HJURP: variants seen among roughly 807,000 people sequenced by gnomAD.
HJURP encodes Holliday junction recognition protein, also known as 14-3-3-associated AKT substrate.
In HJURP, 49 loss-of-function variants were observed where a neutral mutation model predicts 72.0. That is an observed-to-expected ratio of 0.68 (90% confidence interval 0.54 to 0.86). The LOEUF (loss-of-function observed/expected upper bound fraction) is 0.86. HJURP is among the 40% of genes least tolerant of loss of function. The pLI is 0.00. For missense variants in HJURP, 908 were observed against 936.3 expected, an observed-to-expected ratio of 0.97 and a Z score of 0.39; for synonymous variants, 357 against 347.1, an observed-to-expected ratio of 1.03 and a Z score of -0.32.
intron 8 of HJURP, among the ~76,000 whole-genome samples, chr2:233,837,914 C>T (rs1705118115): frequency 6.6e-6 from 1 of 152,248 alleles, no homozygotes; most frequent in South Asian, 2.1e-4. Context: ...GCCCAGCTAG[C>T]GCTGCTGCAC....
At chr2:233,839,313 C>T (rs182856795) in intron 8 of HJURP, among the ~76,000 whole-genome samples, 189 of 151,784 alleles carry the variant, frequency 1.2e-3, no homozygotes, top group African/African-American at 3.8e-3. Flanking sequence ...GTTACCTGCA[C>T]GGAGCAGGCA....
rs1202791853 is a variant in HJURP, at chr2:233,854,502, G to T, written c.-2C>A. On this transcript the variant is annotated 5_prime_UTR_variant, in exon 1 of 9. Transcript: ENST00000411486. ...CATGGCGCGCAGCGTACCCAGCATCGGACCCAGCCAGTACCCAAGCGCCAA... is the reference window on the plus strand; with the variant it reads ...CATGGCGCGCAGCGTACCCAGCATCTGACCCAGCCAGTACCCAAGCGCCAA... 1.2e-6 allele frequency: 2 copies of T among 1,607,594 alleles called. No individual in the cohort carries two copies. Among genetic ancestry groups the T allele is most frequent in the South Asian group, 1.1e-5 (1 of 90,578 alleles).
At chr2:233,840,180 C>A (rs1705185433) in intron 8 of HJURP, among the ~76,000 whole-genome samples, 1 of 152,242 alleles carries the variant, frequency 6.6e-6, no homozygotes, top group African/African-American at 2.4e-5. Context: ...GCCACTCTTG[C>A]TCTTTCCCTA....
intron 4 of HJURP, 58 bp downstream of exon 4, chr2:233,849,705 C>A (rs1286024833): frequency 9.3e-7 from 1 of 1,072,258 alleles, no homozygotes; most frequent in East Asian, 2.6e-5. Context: ...GCTGTTGTAA[C>A]AGGTGCGTCA....
chr2:233,840,381 C>G lies in HJURP; in HGVS notation c.2171+228G>C, dbSNP rs1224522569. The stretch of plus-strand genomic sequence containing the variant: ...GGAAAGTGTGAAACTTCTGCAAGAG[C>G]ACTTTCTGCTTTACCTCGATGCATC... On this transcript the variant is annotated intron_variant, in intron 8 of 8. Transcript: ENST00000411486. Among the ~76,000 whole-genome samples the G allele has an allele frequency of 5.3e-5, 8 of 152,220 alleles. No homozygotes were observed. The South Asian group carries it at 1.2e-3, about 24-fold the overall frequency.
intron 3 of HJURP, among the ~76,000 whole-genome samples, chr2:233,851,557 A>G (rs1306968566): frequency 6.6e-6 from 1 of 152,174 alleles, no homozygotes; most frequent in African/African-American, 2.4e-5. Flanking sequence ...ACAGGAGAGC[A>G]GTTAAAAAAA....
intron 2 of HJURP, among the ~76,000 whole-genome samples, chr2:233,853,608 G>T (rs1265018037): frequency 6.6e-6 from 1 of 152,204 alleles, no homozygotes; most frequent in African/African-American, 2.4e-5. Context: ...TGGGGAGGTG[G>T]CCAGCGGGGA....
Position 233,853,868 on chromosome 2 carries a change from T to G in HJURP, c.160A>C (p.Thr54Pro), listed in dbSNP as rs1456340563. 1 of 1,614,050 alleles carries G rather than the reference T, an allele frequency of 6.2e-7. No homozygotes were observed. Among genetic ancestry groups the G allele is most frequent in the Non-Finnish European group, 8.5e-7 (1 of 1,179,930 alleles). Residue 54 changes from threonine (T) to proline (P), a missense_variant, in exon 2 of 9, where the codon ACG becomes CCG. Physicochemically the swap from Thr to Pro is conservative, Grantham distance 38 (BLOSUM62 -1). Around this residue, in one of 3 missense-constraint regions of HJURP, gnomAD observed 299 missense variants for 286.7 expected, o/e 1.04. Transcript: ENST00000411486. ...CCCTGTGGCGTCTCGTAGGTCAGCGTGGCCATTTGCACCACCGGGGTGTCC... is the reference window on the plus strand; with the variant it reads ...CCCTGTGGCGTCTCGTAGGTCAGCGGGGCCATTTGCACCACCGGGGTGTCC... ...FEDTPVVQMA[T>P]LTYETPQGLR...
Position 233,840,742 on chromosome 2 carries a change from C to T in HJURP, c.2038G>A (p.Ala680Thr), listed in dbSNP as rs1467290103. ...GGTTCTGATAGCCTGGGTCTTTTTG[C>T]AGGGAACTGATGGTCCCTCGTGCCA... is the stretch of plus-strand genomic sequence containing the variant. ...RDGTRDHQFP[A>T]KRPRLSEPQG... Residue 680 changes from alanine (A) to threonine (T), a missense_variant, in exon 8 of 9, where the codon GCA becomes ACA. Ala to Thr is a moderately conservative substitution (Grantham distance 58, BLOSUM62 0). This residue lies in a region of HJURP where 598 missense variants were observed against 619.5 expected (regional missense o/e 0.97). Coordinates refer to ENST00000411486, the MANE Select transcript of HJURP (RefSeq NM_018410.5). 28 of 1,613,976 alleles carry T rather than the reference C, an allele frequency of 1.7e-5. No homozygotes were observed. Among genetic ancestry groups the T allele is most frequent in the Non-Finnish European group, 2.3e-5 (27 of 1,180,012 alleles).
At chr2:233,845,127 C>T (rs935010519) in intron 6 of HJURP, among the ~76,000 whole-genome samples, 7 of 152,046 alleles carry the variant, frequency 4.6e-5, no homozygotes, top group African/African-American at 1.7e-4. Context: ...CAGGGCTGCT[C>T]TTAAGAGTCC....
intron 1 of HJURP, 33 bp downstream of exon 1, chr2:233,854,351 C>T: frequency 6.7e-7 from 1 of 1,494,558 alleles, no homozygotes. Flanking sequence ...GACACGCAGG[C>T]CTCCCCTCCC....
rs1252167744 is a variant in HJURP, at chr2:233,844,210, G to T, written c.569C>A (p.Ala190Asp). 1.2e-5 allele frequency: 19 copies of T among 1,613,668 alleles called. No homozygotes were observed. Among genetic ancestry groups the T allele is most frequent in the Non-Finnish European group, 1.6e-5 (19 of 1,179,658 alleles). The change falls in exon 7 of 9, where the codon GCC becomes GAC. Residue 190 changes from alanine (A) to aspartate (D), a missense_variant. Transcript: ENST00000411486. ...AGTTTCTATGTCACACTCACCGGGG[G>T]CAGGCACGGCAGGTGAGGCCAGTGA... ...LPSLASPAVP[A>D]PGYCSRISRK...
rs368419653 is a variant in HJURP, at chr2:233,840,889, G to C, written c.1891C>G (p.Pro631Ala). Residue 631 changes from proline (P) to alanine (A), a missense_variant, in exon 8 of 9, where the codon CCT becomes GCT. This residue lies in a region of HJURP where 598 missense variants were observed against 619.5 expected (regional missense o/e 0.97). Coordinates refer to ENST00000411486, the MANE Select transcript of HJURP (RefSeq NM_018410.5). ...AACTTCTGGAAACCCTGGAAGTGAG[G>C]GTCTGGATTTAATTTTCCTAAGAAG... ...EGFLGKLNPD[P>A]HFQGFQKLPS... The C allele has an allele frequency of 3.6e-5, 58 of 1,614,074 alleles. No individual in the cohort carries two copies. The African/African-American group carries it at 6.8e-4, about 19-fold the overall frequency.
intron 8 of HJURP, among the ~76,000 whole-genome samples, chr2:233,839,477 T>C (rs374209889): frequency 6.6e-6 from 1 of 152,144 alleles, no homozygotes; most frequent in East Asian, 1.9e-4. Context: ...TCCAAGGGCA[T>C]TGGGAAGACA....
chr2:233,841,028 A>C lies in HJURP; in HGVS notation c.1752T>G (p.Phe584Leu). The C allele has an allele frequency of 6.2e-7, 1 of 1,614,234 alleles. No homozygotes were observed. The highest frequency in any genetic ancestry group is 1.1e-5 in the South Asian group (1 of 91,088). Residue 584 changes from phenylalanine to leucine, a missense_variant, in exon 8 of 9, where the codon TTT becomes TTG. Physicochemically the swap from Phe to Leu is conservative, Grantham distance 22 (BLOSUM62 0). Transcript: ENST00000411486. ...RNRYDEIKEE[F>L]DKLHQKYCLK... ...GGCAATACTTTTGATGAAGCTTGTC[A>C]AATTCTTCTTTAATTTCATCGTAAC... is the stretch of plus-strand genomic sequence containing the variant.
chr2:233,853,707 A>T (rs1705549238), intron 2 of HJURP, 137 bp downstream of exon 2: 4 of 613,340 alleles, frequency 6.5e-6, no homozygotes, highest in Non-Finnish European at 1.1e-5. Context: ...AGTAATTTAC[A>T]GGTTTAAGGG....
rs187562497 is a variant in HJURP at position 233,851,655 on chromosome 2, G to A, written c.240+910C>T. On this transcript the variant is annotated intron_variant, in intron 3 of 8. Transcript: ENST00000411486. Reference sequence around the variant, plus strand: ...TGCCAGATGTATTAACCGGAAAAGTGAGGGAGAAAAAAATGCATTTATAAA... The same window carrying A: ...TGCCAGATGTATTAACCGGAAAAGTAAGGGAGAAAAAAATGCATTTATAAA... 2.6e-5 allele frequency among the ~76,000 whole-genome samples: 4 copies of A among 152,240 alleles called. No individual in the cohort carries two copies. In the East Asian group the frequency reaches 7.7e-4, roughly 29 times the overall value.
chr2:233,844,403 T>A (rs1705306509), intron 6 of HJURP, 120 bp from the exon 7 acceptor site: 1 of 751,248 alleles, frequency 1.3e-6, no homozygotes, highest in Non-Finnish European at 2.3e-6. Context: ...TCGACAAGCG[T>A]GTGAATGTGG....
Position 233,841,765 on chromosome 2 carries a change from C to T in HJURP, c.1015G>A (p.Asp339Asn). The change falls in exon 8 of 9, where the codon GAT (aspartate) becomes AAT (asparagine). Residue 339 changes from aspartate (D) to asparagine (N), a missense_variant. Around this residue, in one of 3 missense-constraint regions of HJURP, gnomAD observed 598 missense variants for 619.5 expected, o/e 0.97. Transcript: ENST00000411486. Reference sequence around the variant, plus strand: ...GAAACATCTAATACGTTCTTGCAATCTCTTAATGCCCCTGTCCCTTTCACA... The same window carrying T: ...GAAACATCTAATACGTTCTTGCAATTTCTTAATGCCCCTGTCCCTTTCACA... Reference protein sequence around the residue: ...EPVKGTGALRDCKNVLDVSCR... With the variant: ...EPVKGTGALRNCKNVLDVSCR... 6.2e-7 allele frequency: 1 copy of T among 1,614,204 alleles called. No individual in the cohort carries two copies. Among genetic ancestry groups the T allele is most frequent in the South Asian group, 1.1e-5 (1 of 91,086 alleles).
Sources: gnomAD v4.1 joint callset for allele counts (sites outside exome capture counted in the v4.1 genomes callset) on GRCh38, gnomAD v4.1.1 for gene constraint, gnomAD v4.1.1 regional missense constraint, MANE v1.5 for transcripts, NCBI Gene and HGNC (gene_info 2026-07-23, HGNC 2026-07-21) for gene names.